Variants in GPLD1 observed in about 807,000 individuals in gnomAD.
GPLD1 encodes the protein phosphatidylinositol-glycan-specific phospholipase D.
In GPLD1, 84 loss-of-function variants were observed where a neutral mutation model predicts 112.6. The ratio of observed to expected loss-of-function variants is 0.75; its 90% confidence interval spans 0.63 to 0.89. The LOEUF (loss-of-function observed/expected upper bound fraction) is 0.89, where lower values mean the gene tolerates loss of function less well. Ranked by LOEUF, GPLD1 falls within the 40% of genes least tolerant of loss-of-function variation. The pLI is 0.00. For missense variants in GPLD1, 1,044 were observed against 1,051.5 expected (o/e 0.99, Z 0.10); for synonymous variants, 386 against 403.8 (o/e 0.96, Z 0.53).
intron 11 of GPLD1, among the ~76,000 whole-genome samples, chr6:24,462,047 C>CAT: frequency 6.6e-6 from 1 of 152,268 alleles, no homozygotes; most frequent in South Asian, 2.1e-4. Flanking sequence ...AACACTGTCT[C>CAT]ATCAATAAAT....
At chr6:24,467,704 C>T (rs34052391) in intron 7 of GPLD1, among the ~76,000 whole-genome samples, 45,937 of 151,980 alleles carry the variant, frequency 0.3, 8,458 homozygotes, top group Non-Finnish European at 0.41. Flanking sequence ...AAAAATGTCT[C>T]CTCACCCTGA....
intron 14 of GPLD1, among the ~76,000 whole-genome samples, chr6:24,452,477 T>C (rs1197338133): frequency 6.6e-6 from 1 of 152,102 alleles, no homozygotes; most frequent in African/African-American, 2.4e-5. Flanking sequence ...ACTTCTTATT[T>C]TTGAAAGCGT....
At chr6:24,453,798 T>C (rs538394959) in intron 14 of GPLD1, among the ~76,000 whole-genome samples, 2 of 152,200 alleles carry the variant, frequency 1.3e-5, no homozygotes, top group South Asian at 2.1e-4. Flanking sequence ...CAGTTCTCAA[T>C]AGCATGTGTG....
At chr6:24,464,244 T>C (rs1019861124) in intron 10 of GPLD1, among the ~76,000 whole-genome samples, 15 of 152,204 alleles carry the variant, frequency 9.9e-5, no homozygotes, top group Middle Eastern at 3.2e-3. Flanking sequence ...AAAAATCCTA[T>C]GGTAAAAATA....
chr6:24,433,246 C>G lies in GPLD1; in HGVS notation c.2386-9G>C. 1 of 1,612,278 alleles carries G rather than the reference C, an allele frequency of 6.2e-7. No individual in the cohort carries two copies. The highest frequency in any genetic ancestry group is 2.2e-5 in the East Asian group (1 of 44,878). On this transcript the variant is annotated splice_polypyrimidine_tract_variant and intron_variant, in intron 23 of 24. Transcript: ENST00000230036. ...CCAAACCTTGAGCTGGCCTGTAAAA[C>G]ATGCCGTCTGTTAATGGGCTTTGAA...
intron 17 of GPLD1, among the ~76,000 whole-genome samples, 173 bp from the exon 18 acceptor site, chr6:24,447,152 A>T (rs113984289): frequency 0.034 from 5,137 of 151,992 alleles, 85 homozygotes; most frequent in Middle Eastern, 0.082. Context: ...ATTGAATCTC[A>T]CTCTTCATAC....
At position 24,456,557 on chromosome 6, in the gene GPLD1, C is replaced by A; in HGVS notation, c.1089G>T (p.Lys363Asn). The A allele has an allele frequency of 6.2e-7, 1 of 1,609,392 alleles. No homozygotes were observed. The highest frequency in any genetic ancestry group is 2.2e-5 in the East Asian group (1 of 44,858). ...MFIGGSQLSQ[K>N]HVSSPLASYF... ...AAGATGCTAAGGGGCTGGAGACGTG[C>A]TTTTGTGACAACTGAGAGCCACCTA... is the stretch of plus-strand genomic sequence containing the variant. Residue 363 changes from lysine to asparagine, a missense_variant, in exon 13 of 25, where the codon AAG becomes AAT. By Grantham distance (94) the Lys-to-Asn change is moderately conservative. Transcript: ENST00000230036.
At chr6:24,441,953 T>C (rs1049992041) in intron 20 of GPLD1, among the ~76,000 whole-genome samples, 3 of 148,896 alleles carry the variant, frequency 2.0e-5, no homozygotes, top group African/African-American at 7.3e-5. Context: ...CATATTTATA[T>C]ATAATATATA....
intron 2 of GPLD1, among the ~76,000 whole-genome samples, chr6:24,484,212 G>A (rs1169942881): frequency 2.0e-5 from 3 of 151,632 alleles, no homozygotes; most frequent in African/African-American, 2.4e-5. Flanking sequence ...ACCGTGCCTG[G>A]CCCACCATTT....
In GPLD1 at chr6:24,441,093, G is replaced by A. The variant is rs182030874; in HGVS notation, c.2021-3804C>T. Among the ~76,000 whole-genome samples the A allele has an allele frequency of 5.7e-4, 86 of 151,892 alleles. No individual in the cohort carries two copies. In the East Asian group the frequency reaches 0.012, roughly 21 times the overall value. On this transcript the variant is annotated intron_variant, in intron 20 of 24. Transcript: ENST00000230036. ...CGAGGCGGGCGGATCACCTGACATC[G>A]GGAGTTTGAGACCAGCCTGGCCAAC... is the stretch of plus-strand genomic sequence containing the variant.
intron 3 of GPLD1, among the ~76,000 whole-genome samples, chr6:24,478,047 T>C (rs1312022328): frequency 6.6e-6 from 1 of 152,182 alleles, no homozygotes; most frequent in Non-Finnish European, 1.5e-5. Flanking sequence ...TTACATTCCT[T>C]TTCCACTCTC....
At chr6:24,476,641 G>A (rs976928921) in intron 3 of GPLD1, among the ~76,000 whole-genome samples, 4 of 152,136 alleles carry the variant, frequency 2.6e-5, no homozygotes, top group Admixed American at 2.0e-4. Context: ...TTATTTGTTG[G>A]GATTTTAAAA....
chr6:24,464,395 CG>C (rs1409247983), intron 10 of GPLD1, among the ~76,000 whole-genome samples: 10 of 152,116 alleles, frequency 6.6e-5, no homozygotes, highest in African/African-American at 1.9e-4. Flanking sequence ...CCCAGGTCCA[CG>C]GGAGAGCTTG....
At chr6:24,436,525 G>C (rs894519801) in intron 22 of GPLD1, 51 bp downstream of exon 22, 13 of 1,485,324 alleles carry the variant, frequency 8.8e-6, no homozygotes, top group Admixed American at 8.4e-5. Flanking sequence ...CAAGGAATCA[G>C]CAATTAGTGA....
intron 4 of GPLD1, among the ~76,000 whole-genome samples, chr6:24,475,649 C>A (rs185566505): frequency 3.5e-4 from 52 of 148,624 alleles, no homozygotes; most frequent in African/African-American, 1.2e-3. Context: ...TCGAGACCAT[C>A]CTGGCTAACA....
intron 12 of GPLD1, among the ~76,000 whole-genome samples, chr6:24,456,924 G>GA (rs1763286051): frequency 6.6e-6 from 1 of 152,150 alleles, no homozygotes; most frequent in African/African-American, 2.4e-5. Context: ...AGGCTGGAGT[G>GA]CAGTGGCACG....
chr6:24,484,681 T>C (rs538263300), intron 2 of GPLD1, among the ~76,000 whole-genome samples: 13 of 152,364 alleles, frequency 8.5e-5, no homozygotes, highest in African/African-American at 3.1e-4. Flanking sequence ...GTTCATGTGA[T>C]GAATTAGGCA....
chr6:24,457,050 A>G (rs1763291967), intron 12 of GPLD1, among the ~76,000 whole-genome samples: 1 of 152,194 alleles, frequency 6.6e-6, no homozygotes, highest in South Asian at 2.1e-4. Context: ...TTTGTATTTT[A>G]GTAGAGATGG....
intron 20 of GPLD1, among the ~76,000 whole-genome samples, chr6:24,440,788 G>A (rs1483019068): frequency 6.6e-6 from 1 of 151,170 alleles, no homozygotes. Context: ...TCTGGAAAGT[G>A]AGATAGGTAG....
Sources: gnomAD v4.1 joint callset for allele counts (sites outside exome capture counted in the v4.1 genomes callset) on GRCh38, gnomAD v4.1.1 for gene constraint, MANE v1.5 for transcripts, NCBI Gene and HGNC (gene_info 2026-07-23, HGNC 2026-07-21) for gene names.